FRMD6: variants seen among roughly 807,000 people sequenced by gnomAD.
FRMD6 encodes the protein FERM domain-containing protein 6.
FRMD6 carries 37 observed loss-of-function variants against 73.2 expected under a neutral mutation model. That is an observed-to-expected ratio of 0.51 (90% CI 0.39 to 0.66). FRMD6 has a LOEUF of 0.66. FRMD6 is among the 30% of genes least tolerant of loss of function. The probability of loss-of-function intolerance (pLI) is 0.00; values close to 1 mark genes in which losing one functional copy is unlikely to be tolerated. For synonymous variants in FRMD6, 273 were observed against 282.2 expected (o/e 0.97, Z 0.33); for missense variants, 714 against 780.5 (o/e 0.91, Z 1.02).
intron 2 of FRMD6, among the ~76,000 whole-genome samples, chr14:51,589,778 C>T (rs542626760): frequency 2.6e-5 from 4 of 152,222 alleles, no homozygotes; most frequent in East Asian, 1.9e-4. Context: ...TAAATGATCA[C>T]GTAAATGAGG....
At chr14:51,627,556 A>C (rs909253575) in intron 2 of FRMD6, among the ~76,000 whole-genome samples, 1 of 152,176 alleles carries the variant, frequency 6.6e-6, no homozygotes, top group African/African-American at 2.4e-5. Context: ...CACTGGGCAG[A>C]GATAGGCTGC....
intron 1 of FRMD6, among the ~76,000 whole-genome samples, chr14:51,671,700 G>A (rs1230231804): frequency 6.6e-6 from 1 of 152,128 alleles, no homozygotes; most frequent in African/African-American, 2.4e-5. Context: ...AAAGTTTATG[G>A]GGACAGTGCC....
At chr14:51,643,590 AAAG>A (rs1891911806) in intron 2 of FRMD6, 1 of 152,224 alleles carries the variant, frequency 6.6e-6, no homozygotes, top group South Asian at 2.1e-4. Context: ...ACTGAAAAGG[AAAG>A]AAGTCAAGCC....
chr14:51,553,976 C>G (rs967362339), intron 1 of FRMD6, among the ~76,000 whole-genome samples: 4 of 151,952 alleles, frequency 2.6e-5, no homozygotes, highest in Non-Finnish European at 5.9e-5. Flanking sequence ...AGGCCATTAT[C>G]CAATAAAAAG....
intron 1 of FRMD6, among the ~76,000 whole-genome samples, chr14:51,550,590 C>CA (rs1555374788): frequency 8.6e-5 from 13 of 151,040 alleles, no homozygotes; most frequent in African/African-American, 1.7e-4. Context: ...ACCCCCCCGC[C>CA]ATGCTTATAG....
chr14:51,585,939 G>GTGTGTA, intron 2 of FRMD6, among the ~76,000 whole-genome samples: 9 of 31,400 alleles, frequency 2.9e-4, no homozygotes, highest in African/African-American at 6.2e-4. Flanking sequence ...GTGTGTGTGT[G>GTGTGTA]TATATATATA....
At chr14:51,437,980 CAGAGAGTACACCATGTCTCT>C in the FRMD6 span, among the ~76,000 whole-genome samples, 4 of 152,170 alleles carry the variant, frequency 2.6e-5, no homozygotes, top group Non-Finnish European at 4.4e-5. Flanking sequence ...ACCTTGGGCT[CAGAGAGTACACCATGTCTCT>C]ATGTGAATAT....
intron 2 of FRMD6, among the ~76,000 whole-genome samples, chr14:51,642,585 A>C (rs899119941): frequency 9.8e-5 from 15 of 152,298 alleles, no homozygotes; most frequent in African/African-American, 3.6e-4. Context: ...GAGACTAAGA[A>C]CAAACTTCCA....
intron 2 of FRMD6, among the ~76,000 whole-genome samples, chr14:51,606,924 G>T (rs541286660): frequency 6.6e-6 from 1 of 152,256 alleles, no homozygotes; most frequent in East Asian, 1.9e-4. Context: ...CAGACCAAAG[G>T]CTGGCGAGCC....
intron 1 of FRMD6, among the ~76,000 whole-genome samples, chr14:51,543,991 T>C (rs1361360885): frequency 6.6e-6 from 1 of 152,024 alleles, no homozygotes. Flanking sequence ...TGAACTCTTA[T>C]TGGGGAAAGT....
At chr14:51,562,871 A>T (rs1166082821) in intron 1 of FRMD6, among the ~76,000 whole-genome samples, 1 of 152,256 alleles carries the variant, frequency 6.6e-6, no homozygotes, top group East Asian at 1.9e-4. Context: ...TCTTGGATAT[A>T]GAATTCTCTG....
chr14:51,496,703 G>C (rs1038424716), intron 1 of FRMD6, among the ~76,000 whole-genome samples: 1 of 152,174 alleles, frequency 6.6e-6, no homozygotes, highest in African/African-American at 2.4e-5. Flanking sequence ...CTCTTAATGA[G>C]AAGATTTGCA....
the FRMD6 span, among the ~76,000 whole-genome samples, chr14:51,441,727 G>A: frequency 0.014 from 2,150 of 152,246 alleles, 28 homozygotes; most frequent in Middle Eastern, 0.048. Flanking sequence ...CTAAATTGAC[G>A]TTGGGATGAA....
intron 1 of FRMD6, among the ~76,000 whole-genome samples, chr14:51,664,620 T>G (rs955442793): frequency 1.3e-5 from 2 of 152,350 alleles, no homozygotes. Context: ...AGTTGCTAAT[T>G]TAGAAAATGC....
At chr14:51,469,474 G>T in the FRMD6 span, among the ~76,000 whole-genome samples, 1 of 151,008 alleles carries the variant, frequency 6.6e-6, no homozygotes, top group Admixed American at 6.6e-5. Context: ...TTAGCCGAGC[G>T]TGGTGGCAGG....
At chr14:51,668,760 C>T (rs781103161) in intron 1 of FRMD6, among the ~76,000 whole-genome samples, 5 of 151,868 alleles carry the variant, frequency 3.3e-5, no homozygotes, top group African/African-American at 9.7e-5. Flanking sequence ...TCTTGTCTCC[C>T]GGGCTCAAGT....
intron 2 of FRMD6, among the ~76,000 whole-genome samples, chr14:51,606,634 A>G (rs912873834): frequency 1.3e-5 from 2 of 152,220 alleles, no homozygotes; most frequent in Non-Finnish European, 2.9e-5. Context: ...GGTTGCATGT[A>G]TTAGTTGGGG....
chr14:51,436,726 G>T, the FRMD6 span: 4 of 537,724 alleles, frequency 7.4e-6, no homozygotes, highest in Non-Finnish European at 1.4e-5. Flanking sequence ...ACCTATTACA[G>T]TACTACTTGG....
chr14:51,556,821 C>T (rs1269795160), intron 1 of FRMD6, among the ~76,000 whole-genome samples: 1 of 141,102 alleles, frequency 7.1e-6, no homozygotes, highest in African/African-American at 2.7e-5. Flanking sequence ...CCCCTTCCAC[C>T]ATAATCCATA....
Sources: allele counts gnomAD v4.1 joint callset (sites outside exome capture counted in the v4.1 genomes callset), GRCh38; gene constraint gnomAD v4.1.1; transcripts MANE v1.5; gene names NCBI Gene and HGNC (gene_info 2026-07-23, HGNC 2026-07-21).